Variants in SSBP2 observed in about 807,000 individuals in gnomAD.
The protein encoded by SSBP2 is single-stranded DNA-binding protein 2.
Under a neutral mutation model 61.8 loss-of-function variants are expected in SSBP2, and 17 were observed. That is an observed-to-expected ratio of 0.28 (90% CI 0.19 to 0.41). The LOEUF (loss-of-function observed/expected upper bound fraction) is 0.41, where lower values mean the gene tolerates loss of function less well. Ranked by LOEUF, SSBP2 falls within the 10% of genes least tolerant of loss-of-function variation. The probability of loss-of-function intolerance (pLI) is 1.00; values close to 1 mark genes in which losing one functional copy is unlikely to be tolerated. For synonymous variants in SSBP2, 139 were observed against 141.3 expected, an observed-to-expected ratio of 0.98 and a Z score of 0.12; for missense variants, 310 against 458.7, an observed-to-expected ratio of 0.68 and a Z score of 2.96.
chr5:81,445,648 A>G (rs1763356323), intron 12 of SSBP2, among the ~76,000 whole-genome samples: 1 of 152,034 alleles, frequency 6.6e-6, no homozygotes, highest in Non-Finnish European at 1.5e-5. Flanking sequence ...CAAGTTTATG[A>G]TTTTTCTAAA....
chr5:81,646,222 G>A lies in SSBP2; in HGVS notation c.135+4045C>T, dbSNP rs11957810. On this transcript the variant is annotated intron_variant, in intron 2 of 16. Transcript: ENST00000320672. ...ATTCAGAAGAGCTCATTAACATCAC[G>A]GTCCTTCTTAGCCTCATCTATCCAG... Among the ~76,000 whole-genome samples the A allele has an allele frequency of 2.0e-5, 3 of 151,872 alleles. No homozygotes were observed. The East Asian group carries it at 5.8e-4, about 29-fold the overall frequency.
At chr5:81,712,890 AT>A (rs945554839) in intron 1 of SSBP2, among the ~76,000 whole-genome samples, 4 of 151,112 alleles carry the variant, frequency 2.6e-5, no homozygotes, top group African/African-American at 9.7e-5. Context: ...TGCCCAGCTA[AT>A]TTTTTTTGTA....
chr5:81,649,406 A>G (rs895788130), intron 2 of SSBP2, among the ~76,000 whole-genome samples: 1 of 152,124 alleles, frequency 6.6e-6, no homozygotes, highest in Admixed American at 6.6e-5. Flanking sequence ...TTAGATGAAG[A>G]TGGGGTACAT....
chr5:81,418,699 A>G lies in SSBP2; in HGVS notation c.*1805T>C, dbSNP rs1477150579. On this transcript the variant is annotated 3_prime_UTR_variant, in exon 17 of 17. Coordinates refer to ENST00000320672, the MANE Select transcript of SSBP2 (RefSeq NM_012446.5). ...ACAAACCTGTACAGCATGTTACTGTACTGAATACCAAAGGCAACTGTAATA... is the reference window on the plus strand; with the variant it reads ...ACAAACCTGTACAGCATGTTACTGTGCTGAATACCAAAGGCAACTGTAATA... The G allele has an allele frequency of 6.6e-6, 1 of 152,248 alleles. No individual in the cohort carries two copies. The highest frequency in any genetic ancestry group is 1.5e-5 in the Non-Finnish European group (1 of 68,042). 9.4% of individuals were successfully genotyped at this position (152,248 alleles called of 1,614,324 possible).
chr5:81,442,863 A>G, intron 12 of SSBP2, 140 bp from the exon 13 acceptor site: 1 of 429,158 alleles, frequency 2.3e-6, no homozygotes, highest in Non-Finnish European at 4.2e-6. Flanking sequence ...ATTACTAAAA[A>G]TAAATACCCA....
intron 1 of SSBP2, among the ~76,000 whole-genome samples, chr5:81,670,499 A>G (rs1312021496): frequency 2.0e-5 from 3 of 152,166 alleles, no homozygotes; most frequent in African/African-American, 7.2e-5. Context: ...CCTCAAGTAC[A>G]GATGAACAAG....
chr5:81,556,579 T>C (rs1191800899), intron 4 of SSBP2, among the ~76,000 whole-genome samples: 1 of 152,152 alleles, frequency 6.6e-6, no homozygotes, highest in East Asian at 1.9e-4. Context: ...GTGACAATGA[T>C]AGAGGTCTTT....
intron 10 of SSBP2, among the ~76,000 whole-genome samples, chr5:81,453,740 G>A (rs938457915): frequency 2.0e-5 from 3 of 152,222 alleles, no homozygotes; most frequent in Admixed American, 2.0e-4. Context: ...ACAGGCGTGA[G>A]CCACTGTGCC....
chr5:81,449,152 T>C (rs1311789888), intron 10 of SSBP2, among the ~76,000 whole-genome samples: 2 of 152,166 alleles, frequency 1.3e-5, no homozygotes, highest in African/African-American at 4.8e-5. Context: ...TATCTAAAAA[T>C]GGGAAACCAG....
rs182704419 is a variant in SSBP2, at chr5:81,734,090, A to G, written c.62+16891T>C. On this transcript the variant is annotated intron_variant, in intron 1 of 16. Transcript: ENST00000320672. ...TTTCTGATCAGAATCAAGAGTCAAG[A>G]CCCTTTGTTTTATTTGGGTTAAAGC... 6.6e-4 allele frequency among the ~76,000 whole-genome samples: 100 copies of G among 152,244 alleles called. 1 individual carries two copies. Among genetic ancestry groups the G allele is most frequent in the African/African-American group, 2.1e-3 (87 of 41,524 alleles).
Position 81,636,629 on chromosome 5 carries a change from T to C in SSBP2, c.136-11A>G. 12 of 1,596,406 alleles carry C rather than the reference T, an allele frequency of 7.5e-6. No homozygotes were observed. The South Asian group carries it at 8.9e-5, about 12-fold the overall frequency. ...TTTTTCCCATCTTATCTAAAATGAA[T>C]AAAAGAGATATTACTTTCCTAATAA... On this transcript the variant is annotated splice_polypyrimidine_tract_variant and intron_variant, in intron 2 of 16. Transcript: ENST00000320672.
chr5:81,612,345 C>G (rs1364429125), intron 4 of SSBP2, among the ~76,000 whole-genome samples: 1 of 151,976 alleles, frequency 6.6e-6, no homozygotes, highest in Non-Finnish European at 1.5e-5. Flanking sequence ...TTTTTAGTTT[C>G]CCATCTCAGA....
chr5:81,674,826 C>T (rs1275075540), intron 1 of SSBP2, among the ~76,000 whole-genome samples: 1 of 152,118 alleles, frequency 6.6e-6, no homozygotes, highest in Non-Finnish European at 1.5e-5. Flanking sequence ...GACTACTATG[C>T]CACTTCAGTG....
chr5:81,479,300 GT>G (rs528574686), intron 6 of SSBP2, among the ~76,000 whole-genome samples: 1 of 150,804 alleles, frequency 6.6e-6, no homozygotes, highest in Non-Finnish European at 1.5e-5. Context: ...TCTTTTTTTT[GT>G]TTTTTTTGAG....
chr5:81,668,324 T>TAACACAGA (rs983908551), intron 1 of SSBP2, among the ~76,000 whole-genome samples: 45 of 151,278 alleles, frequency 3.0e-4, no homozygotes, highest in African/African-American at 1.0e-3. Flanking sequence ...TGTTCAGTTT[T>TAACACAGA]AACACAGAAT....
At chr5:81,513,291 T>G (rs1411806591) in intron 5 of SSBP2, among the ~76,000 whole-genome samples, 2 of 152,142 alleles carry the variant, frequency 1.3e-5, no homozygotes, top group Non-Finnish European at 2.9e-5. Context: ...TATGCTTGTA[T>G]AGTTAATATC....
intron 4 of SSBP2, among the ~76,000 whole-genome samples, chr5:81,592,056 G>T (rs948020722): frequency 2.0e-4 from 31 of 152,218 alleles, no homozygotes; most frequent in African/African-American, 7.5e-4. Context: ...CCTGGGAAGC[G>T]CAAGGGGTCA....
At chr5:81,650,797 G>A (rs1030190436) in intron 1 of SSBP2, among the ~76,000 whole-genome samples, 5 of 152,008 alleles carry the variant, frequency 3.3e-5, no homozygotes, top group Non-Finnish European at 7.4e-5. Flanking sequence ...CACAACTTGC[G>A]TTGAATATCC....
At chr5:81,593,079 G>C (rs1743258066) in intron 4 of SSBP2, among the ~76,000 whole-genome samples, 1 of 152,116 alleles carries the variant, frequency 6.6e-6, no homozygotes, top group African/African-American at 2.4e-5. Context: ...TGGCAAAGAA[G>C]TTAAAAGCTT....
Sources: allele counts gnomAD v4.1 joint callset (sites outside exome capture counted in the v4.1 genomes callset), GRCh38; gene constraint gnomAD v4.1.1; transcripts MANE v1.5; gene names NCBI Gene and HGNC (gene_info 2026-07-23, HGNC 2026-07-21).